DNAH7: variants seen among roughly 807,000 people sequenced by gnomAD.
The protein encoded by DNAH7 is axonemal beta dynein heavy chain 7.
A neutral mutation model predicts 444.6 loss-of-function variants in DNAH7; 397 were observed. That is an observed-to-expected ratio of 0.89 (90% confidence interval 0.82 to 0.97). DNAH7 has a LOEUF of 0.97. DNAH7 is among the 50% of genes least tolerant of loss of function. DNAH7 has a pLI of 0.00. For synonymous variants in DNAH7, 1,636 were observed against 1,624.4 expected (o/e 1.01, Z -0.17); for missense variants, 4,902 against 4,800.8 (o/e 1.02, Z -0.62).
rs1452216101 is a variant in DNAH7 at position 196,000,787 on chromosome 2, CTATA to C, written c.1266_1269del (p.Tyr422Ter). On this transcript the variant is annotated frameshift_variant, in exon 12 of 65. Coordinates refer to ENST00000312428, the MANE Select transcript of DNAH7 (RefSeq NM_018897.3). LOFTEE classifies it high-confidence loss of function. The stretch of plus-strand genomic sequence containing the variant: ...ACGTCATAAACATTTAGAAAGATAT[CTATA>C]TAGTCACTCAACTCAGGTTCAAACT... The C allele has an allele frequency of 1.2e-5, 20 of 1,607,338 alleles. No homozygotes were observed. The highest frequency in any genetic ancestry group is 1.7e-5 in the Non-Finnish European group (20 of 1,176,376).
chr2:195,967,183 T>C (rs934287132), intron 17 of DNAH7, among the ~76,000 whole-genome samples: 1 of 152,198 alleles, frequency 6.6e-6, no homozygotes, highest in African/African-American at 2.4e-5. Context: ...TAACCCATGA[T>C]TTTAAACTGA....
At chr2:195,739,644 CGT>C (rs1013250370) in intron 64 of DNAH7, among the ~76,000 whole-genome samples, 6 of 152,220 alleles carry the variant, frequency 3.9e-5, no homozygotes, top group Non-Finnish European at 7.4e-5. Context: ...ATAATGAACA[CGT>C]GTGTGTGTAT....
At position 195,910,134 on chromosome 2, in the gene DNAH7, C is replaced by A; in HGVS notation, c.3997G>T (p.Gly1333Trp). Residue 1333 changes from glycine to tryptophan, a missense_variant, in exon 25 of 65, where the codon GGG (glycine) becomes TGG (tryptophan). Physicochemically the swap from Gly to Trp is radical, Grantham distance 184. Coordinates refer to ENST00000312428, the MANE Select transcript of DNAH7 (RefSeq NM_018897.3). ...GGAPEGPAGT[G>W]KTETTKDLAK... Reference sequence around the variant, plus strand: ...AAATCCTTGGTAGTTTCAGTCTTCCCAGTGCCAGCTGGACCCTCAGGTGCT... The same window carrying A: ...AAATCCTTGGTAGTTTCAGTCTTCCAAGTGCCAGCTGGACCCTCAGGTGCT... 1 of 1,613,768 alleles carries A rather than the reference C, an allele frequency of 6.2e-7. No homozygotes were observed. The highest frequency in any genetic ancestry group is 8.5e-7 in the Non-Finnish European group (1 of 1,179,816).
intron 48 of DNAH7, among the ~76,000 whole-genome samples, chr2:195,831,678 T>C (rs1471564325): frequency 6.6e-6 from 1 of 152,220 alleles, no homozygotes; most frequent in African/African-American, 2.4e-5. Flanking sequence ...AAGTATTTTA[T>C]TCCAAAAAGT....
chr2:195,833,152 A>G (rs192121191), intron 48 of DNAH7, among the ~76,000 whole-genome samples: 121 of 152,330 alleles, frequency 7.9e-4, no homozygotes, highest in African/African-American at 2.9e-3. Context: ...TCTTACTGTT[A>G]AACAGGCAAA....
rs553845281 is a variant in DNAH7, at chr2:195,871,930, CAAAAAAAAAAAAAAAAAAAAA to C, written c.6633+299_6633+319del. Among the ~76,000 whole-genome samples the C allele has an allele frequency of 1.6e-3, 39 of 24,802 alleles. 6 individuals carry two copies. Among genetic ancestry groups the C allele is most frequent in the East Asian group, 0.012 (6 of 506 alleles). 16.3% of individuals were successfully genotyped at this position (24,802 alleles called of 152,430 possible). ...TGGGCGACAGAGCGAGACTCCGTCT[CAAAAAAAAAAAAAAAAAAAAA>C]AAAAAAAAAAAAAAAAAACTACTTA... On this transcript the variant is annotated intron_variant, in intron 40 of 64. Transcript: ENST00000312428.
Position 195,881,958 on chromosome 2 carries a change from A to G in DNAH7, c.5798T>C (p.Leu1933Ser). 1 of 1,613,878 alleles carries G rather than the reference A, an allele frequency of 6.2e-7. No homozygotes were observed. Residue 1933 changes from leucine (L) to serine (S), a missense_variant, in exon 36 of 65, where the codon TTG (leucine) becomes TCG (serine). Transcript: ENST00000312428. ...IGKWEPWIKK[L>S]KEAPPIPKDV... ...TTTAGGAATTGGAGGAGCTTCTTTC[A>G]ATTTCTTTATCCATGGTTCCCATTT...
At chr2:196,030,062 G>A (rs147165208) in intron 5 of DNAH7, among the ~76,000 whole-genome samples, 380 of 152,224 alleles carry the variant, frequency 2.5e-3, no homozygotes, top group African/African-American at 8.5e-3. Context: ...ATATTAGTCC[G>A]TTTTCACACT....
intron 3 of DNAH7, among the ~76,000 whole-genome samples, chr2:196,050,728 T>C (rs981366944): frequency 2.6e-5 from 4 of 152,102 alleles, no homozygotes; most frequent in Non-Finnish European, 5.9e-5. Flanking sequence ...GTCAAAATAA[T>C]GAAAAAAGAT....
In DNAH7 at chr2:195,738,931, C is replaced by T. The variant is rs115204351; in HGVS notation, c.11869-804G>A. Among the ~76,000 whole-genome samples the T allele has an allele frequency of 3.6e-3, 546 of 152,302 alleles. 1 individual carries two copies. The highest frequency in any genetic ancestry group is 0.013 in the African/African-American group (527 of 41,558). On this transcript the variant is annotated intron_variant, in intron 64 of 64. Coordinates refer to ENST00000312428, the MANE Select transcript of DNAH7 (RefSeq NM_018897.3). ...TATAAGGATGCCAGTTTCTCTATTT[C>T]TCCCACTTAACTGTGGAATCCAGAT...
At chr2:196,053,226 A>T (rs1388659441) in intron 2 of DNAH7, among the ~76,000 whole-genome samples, 1 of 152,216 alleles carries the variant, frequency 6.6e-6, no homozygotes, top group African/African-American at 2.4e-5. Flanking sequence ...GGGGAAGAAC[A>T]AACTAGAGCT....
chr2:195,741,380 T>A (rs1487798869), intron 63 of DNAH7, among the ~76,000 whole-genome samples: 2 of 152,230 alleles, frequency 1.3e-5, no homozygotes, highest in East Asian at 1.9e-4. Flanking sequence ...AGTCTGTTGA[T>A]GATGAAAGAC....
chr2:195,813,490 G>A (rs1004544609), intron 51 of DNAH7, among the ~76,000 whole-genome samples: 3 of 152,236 alleles, frequency 2.0e-5, no homozygotes, highest in African/African-American at 7.2e-5. Flanking sequence ...GCTGCAGAAG[G>A]GTAGGAGCCT....
rs140615432 is a variant in DNAH7 at position 195,981,214 on chromosome 2, A to G, written c.1833+3418T>C. On this transcript the variant is annotated intron_variant, in intron 15 of 64. Coordinates refer to ENST00000312428, the MANE Select transcript of DNAH7 (RefSeq NM_018897.3). Reference sequence around the variant, plus strand: ...TATGCCAAAGGTGGGACAATCTGAAAAAGAAATCAAGAAAGTAATCTCATT... The same window carrying G: ...TATGCCAAAGGTGGGACAATCTGAAGAAGAAATCAAGAAAGTAATCTCATT... 6.9e-3 allele frequency among the ~76,000 whole-genome samples: 1,056 copies of G among 152,266 alleles called. 3 individuals carry two copies. Among genetic ancestry groups the G allele is most frequent in the Non-Finnish European group, 0.011 (738 of 68,012 alleles).
At chr2:195,923,201 A>G (rs1688129661) in intron 23 of DNAH7, among the ~76,000 whole-genome samples, 1 of 152,142 alleles carries the variant, frequency 6.6e-6, no homozygotes, top group African/African-American at 2.4e-5. Flanking sequence ...AGACTGAAAG[A>G]GTTTGATTCA....
At chr2:196,035,051 G>T (rs1696297742) in intron 5 of DNAH7, among the ~76,000 whole-genome samples, 2 of 152,030 alleles carry the variant, frequency 1.3e-5, no homozygotes, top group East Asian at 1.9e-4. Context: ...TTATGGTGGT[G>T]CACACCTGTA....
intron 46 of DNAH7, among the ~76,000 whole-genome samples, chr2:195,852,081 AC>A: frequency 6.6e-6 from 1 of 152,082 alleles, no homozygotes; most frequent in Non-Finnish European, 1.5e-5. Flanking sequence ...ACATGGTGAA[AC>A]CCCGTCTCTA....
intron 22 of DNAH7, among the ~76,000 whole-genome samples, chr2:195,926,152 T>G (rs945370976): frequency 6.6e-6 from 1 of 152,124 alleles, no homozygotes; most frequent in African/African-American, 2.4e-5. Flanking sequence ...AGGCATAAAA[T>G]GTATATAATA....
chr2:195,929,899 G>T (rs1688576682), intron 21 of DNAH7, among the ~76,000 whole-genome samples: 1 of 152,170 alleles, frequency 6.6e-6, no homozygotes, highest in African/African-American at 2.4e-5. Flanking sequence ...AAGAGCTTTG[G>T]CACAGCAAAA....
Sources: gnomAD v4.1 joint callset for allele counts (sites outside exome capture counted in the v4.1 genomes callset) on GRCh38, gnomAD v4.1.1 for gene constraint, MANE v1.5 for transcripts, NCBI Gene and HGNC (gene_info 2026-07-23, HGNC 2026-07-21) for gene names.